The following ECT2 variants were observed in gnomAD, a reference collection of about 807,000 sequenced individuals.
ECT2 encodes the protein protein ECT2.
In ECT2, 61 loss-of-function variants were observed where a neutral mutation model predicts 116.9. The ratio of observed to expected loss-of-function variants is 0.52; its 90% CI spans 0.42 to 0.65. The LOEUF (loss-of-function observed/expected upper bound fraction) is 0.65, where lower values mean the gene tolerates loss of function less well. Among genes scored for constraint, ECT2 ranks in the 30% least tolerant of loss-of-function variants. The probability of loss-of-function intolerance (pLI) is 0.00; values close to 1 mark genes in which losing one functional copy is unlikely to be tolerated. For synonymous variants in ECT2, 358 were observed against 346.4 expected (o/e 1.03, Z -0.37); for missense variants, 937 against 1,078.7 (o/e 0.87, Z 1.84).
chr3:172,758,843 T>C (rs1448827841), intron 5 of ECT2, 137 bp from the exon 6 acceptor site: 2 of 707,098 alleles, frequency 2.8e-6, no homozygotes, highest in Admixed American at 6.8e-5. Flanking sequence ...TGTTGCATAT[T>C]GAAAAAATGC....
At chr3:172,828,723 A>G in the ECT2 span, 1 of 506,976 alleles carries the variant, frequency 2.0e-6, no homozygotes, top group South Asian at 2.2e-5. Context: ...GGTGGCCCCC[A>G]TGGAGCCTCA....
At chr3:172,752,782 A>G (rs1379586195) in intron 1 of ECT2, among the ~76,000 whole-genome samples, 1 of 152,178 alleles carries the variant, frequency 6.6e-6, no homozygotes, top group Non-Finnish European at 1.5e-5. Context: ...TTTTCATCTT[A>G]ACTAGATTTG....
At chr3:172,772,565 C>T (rs1720863811) in intron 13 of ECT2, among the ~76,000 whole-genome samples, 1 of 152,120 alleles carries the variant, frequency 6.6e-6, no homozygotes, top group Non-Finnish European at 1.5e-5. Context: ...TTTTGTCATT[C>T]ATAGCGTATT....
intron 24 of ECT2, 134 bp downstream of exon 24, chr3:172,816,971 A>T (rs1729830624): frequency 1.6e-6 from 1 of 625,262 alleles, no homozygotes; most frequent in African/African-American, 1.9e-5. Context: ...CAGTATGCTA[A>T]AATATTATCA....
At chr3:172,778,233 G>A (rs1029807821) in intron 14 of ECT2, among the ~76,000 whole-genome samples, 6 of 152,212 alleles carry the variant, frequency 3.9e-5, no homozygotes, top group African/African-American at 1.4e-4. Context: ...CTCTGTCTCA[G>A]AACTGTAGAA....
chr3:172,816,607 TA>T, intron 23 of ECT2, 83 bp from the exon 24 acceptor site: 5 of 1,236,518 alleles, frequency 4.0e-6, no homozygotes, highest in Non-Finnish European at 5.5e-6. Flanking sequence ...ACTTTTGCCA[TA>T]TATTTGGCTT....
At chr3:172,753,421 A>G (rs375847393) in intron 1 of ECT2, among the ~76,000 whole-genome samples, 4 of 152,178 alleles carry the variant, frequency 2.6e-5, no homozygotes, top group East Asian at 1.9e-4. Context: ...TAAACCTTTT[A>G]TTCCCTGTCT....
chr3:172,754,508 G>T lies in ECT2; in HGVS notation c.-22-1G>T. ...TTTTTATTCAAATTTTATTTTTTCA[G>T]CTGATTTAGAAGAATACAAATCATG... On this transcript the variant is annotated splice_acceptor_variant, in intron 1 of 24. Coordinates refer to ENST00000392692, the MANE Select transcript of ECT2 (RefSeq NM_001258315.2). LOFTEE classifies it low-confidence loss of function (5UTR_SPLICE). 5.8e-6 allele frequency: 9 copies of T among 1,555,070 alleles called. No individual in the cohort carries two copies. Among genetic ancestry groups the T allele is most frequent in the Non-Finnish European group, 7.8e-6 (9 of 1,154,560 alleles).
intron 8 of ECT2, among the ~76,000 whole-genome samples, chr3:172,761,894 G>A (rs967932093): frequency 6.6e-6 from 1 of 152,036 alleles, no homozygotes; most frequent in Non-Finnish European, 1.5e-5. Flanking sequence ...ATTTTACCTT[G>A]TGAAGTAATT....
chr3:172,762,662 T>G, intron 9 of ECT2, 29 bp from the exon 10 acceptor site: 1 of 1,587,230 alleles, frequency 6.3e-7, no homozygotes, highest in Non-Finnish European at 8.5e-7. Flanking sequence ...TAGCTTGGCT[T>G]ATTTATGCTT....
intron 1 of ECT2, among the ~76,000 whole-genome samples, chr3:172,753,685 C>G (rs1716384120): frequency 6.6e-6 from 1 of 152,140 alleles, no homozygotes; most frequent in African/African-American, 2.4e-5. Flanking sequence ...GAGTCGAGCA[C>G]TAAATGCAAA....
intron 18 of ECT2, among the ~76,000 whole-genome samples, chr3:172,798,062 C>T (rs1726055493): frequency 6.6e-6 from 1 of 151,906 alleles, no homozygotes; most frequent in East Asian, 1.9e-4. Context: ...TTGAGGTGAA[C>T]CCCTGGGAAG....
At chr3:172,772,639 GTT>G (rs955757605) in intron 13 of ECT2, among the ~76,000 whole-genome samples, 7 of 152,020 alleles carry the variant, frequency 4.6e-5, no homozygotes, top group African/African-American at 1.5e-4. Context: ...TAATTTAACA[GTT>G]TTTTTCATTC....
At chr3:172,809,169 C>T (rs1178950847) in intron 22 of ECT2, among the ~76,000 whole-genome samples, 1 of 151,934 alleles carries the variant, frequency 6.6e-6, no homozygotes, top group Non-Finnish European at 1.5e-5. Flanking sequence ...TACTCCTGCT[C>T]TTATCAGAAT....
chr3:172,777,984 TA>T (rs776758224), intron 14 of ECT2, among the ~76,000 whole-genome samples: 9 of 152,234 alleles, frequency 5.9e-5, no homozygotes, highest in Admixed American at 3.9e-4. Context: ...TATTTTAGCG[TA>T]AGCCTCAAAA....
rs575500060 is a variant in ECT2, at chr3:172,755,541, C to T, written c.269C>T (p.Ser90Leu). 81 of 1,491,348 alleles carry T rather than the reference C, an allele frequency of 5.4e-5. No individual in the cohort carries two copies. The highest frequency in any genetic ancestry group is 3.4e-4 in the African/African-American group (24 of 70,960). The allele number at this position is 1,491,348 out of a possible 1,614,324, so 92.4% of individuals were successfully genotyped here. The change falls in exon 4 of 25, where the codon TCG (serine) becomes TTG (leucine). Residue 90 changes from serine (S) to leucine (L), a missense_variant. Coordinates refer to ENST00000392692, the MANE Select transcript of ECT2 (RefSeq NM_001258315.2). ...ATAAAAGAAAGTTGTCCTGGAAAAT[C>T]GGATGAAAAATTAATAAAAAGTGTT... Reference protein sequence around the residue: ...IKIKESCPGKSDEKLIKSVIN... With the variant: ...IKIKESCPGKLDEKLIKSVIN...
chr3:172,771,267 G>A (rs1024372623), intron 13 of ECT2: 4 of 152,196 alleles, frequency 2.6e-5, no homozygotes, highest in African/African-American at 9.7e-5. Flanking sequence ...GATCATATAA[G>A]TCAGAGCTGG....
At chr3:172,813,025 TG>T (rs1218639837) in intron 22 of ECT2, among the ~76,000 whole-genome samples, 2 of 152,142 alleles carry the variant, frequency 1.3e-5, no homozygotes, top group African/African-American at 4.8e-5. Context: ...CTCAGTGCTT[TG>T]TTTCTTACAG....
At chr3:172,754,434 TA>T in intron 1 of ECT2, 74 bp from the exon 2 acceptor site, 1 of 1,079,664 alleles carries the variant, frequency 9.3e-7, no homozygotes, top group Non-Finnish European at 1.3e-6. Context: ...AAATTCTAGG[TA>T]AAAAGAGCCT....
Sources: allele counts gnomAD v4.1 joint callset (sites outside exome capture counted in the v4.1 genomes callset), GRCh38; gene constraint gnomAD v4.1.1; transcripts MANE v1.5; gene names NCBI Gene and HGNC (gene_info 2026-07-23, HGNC 2026-07-21).